MATCAP1: variants seen among roughly 807,000 people sequenced by gnomAD.
The protein encoded by MATCAP1 is microtubule associated tyrosine carboxypeptidase 1.
At chr16:67,179,541 C>A in the MATCAP1 span, 2 of 1,613,178 alleles carry the variant, frequency 1.2e-6, no homozygotes, top group East Asian at 4.5e-5. This position sits in a 1 kb window ranked among gnomAD's most constrained non-coding sequence, Gnocchi z 5.2. Context: ...GACAGCAGGT[C>A]CTCACTCAGC....
the MATCAP1 span, chr16:67,180,244 C>A: frequency 6.2e-7 from 1 of 1,613,656 alleles, no homozygotes; most frequent in Middle Eastern, 1.7e-4. Flanking sequence ...TGAGTCTTAG[C>A]AATGTGAGGC....
At chr16:67,180,671 G>A in the MATCAP1 span, 5 of 1,260,028 alleles carry the variant, frequency 4.0e-6, no homozygotes, top group Admixed American at 2.6e-5. Context: ...CGACCTCTGG[G>A]GACACAGAAG....
chr16:67,179,557 C>G, the MATCAP1 span: 3 of 1,612,308 alleles, frequency 1.9e-6, no homozygotes, highest in Non-Finnish European at 2.5e-6. The surrounding 1 kb of genome is among the most constrained non-coding windows in gnomAD (Gnocchi z 5.2). Flanking sequence ...TCAGCTGCAC[C>G]ACAACCTGCA....
the MATCAP1 span, chr16:67,178,455 G>A: frequency 6.5e-7 from 1 of 1,534,820 alleles, no homozygotes; most frequent in African/African-American, 1.4e-5. Context: ...GGCCCTCCGC[G>A]TTGTGCCACG....
chr16:67,177,996 C>G, the MATCAP1 span: 1 of 1,609,410 alleles, frequency 6.2e-7, no homozygotes, highest in Non-Finnish European at 8.5e-7. Context: ...CTCTGAAGGT[C>G]CACAGCCCCT....
the MATCAP1 span, chr16:67,178,148 A>T: frequency 1.0e-6 from 1 of 977,940 alleles, no homozygotes; most frequent in Non-Finnish European, 1.4e-6. Flanking sequence ...CCCTCGCCCG[A>T]AGCCCCGCCC....
the MATCAP1 span, chr16:67,178,549 G>C: frequency 3.4e-6 from 5 of 1,475,720 alleles, no homozygotes; most frequent in East Asian, 1.3e-4. Flanking sequence ...GGGCGTTCGG[G>C]GACCCGCCTG....
At chr16:67,179,842 G>A in the MATCAP1 span, 2 of 1,614,124 alleles carry the variant, frequency 1.2e-6, no homozygotes, top group East Asian at 2.2e-5. This position sits in a 1 kb window ranked among gnomAD's most constrained non-coding sequence, Gnocchi z 5.2. Flanking sequence ...CCTTCTGCAT[G>A]TATTTGCGCA....
At chr16:67,180,002 G>A in the MATCAP1 span, 3 of 1,613,040 alleles carry the variant, frequency 1.9e-6, no homozygotes, top group African/African-American at 4.0e-5. Flanking sequence ...AGCCCCTTGG[G>A]TGGTCAGGGC....
the MATCAP1 span, chr16:67,180,090 G>A: frequency 2.1e-4 from 334 of 1,614,200 alleles, 1 homozygote; most frequent in East Asian, 4.5e-3. Context: ...CAGCACAGCC[G>A]TGGGCATGGG....
the MATCAP1 span, among the ~76,000 whole-genome samples, chr16:67,177,567 T>C: frequency 6.6e-6 from 1 of 152,136 alleles, no homozygotes; most frequent in South Asian, 2.1e-4. Context: ...TCCCTAGTCC[T>C]CTCTCCAATC....
the MATCAP1 span, among the ~76,000 whole-genome samples, chr16:67,177,396 C>T: frequency 6.6e-6 from 1 of 152,208 alleles, no homozygotes; most frequent in Non-Finnish European, 1.5e-5. Flanking sequence ...CTCTCACCCT[C>T]CCATCAGGGT....
At chr16:67,180,220 G>A in the MATCAP1 span, 6 of 1,614,182 alleles carry the variant, frequency 3.7e-6, no homozygotes, top group Non-Finnish European at 5.1e-6. Flanking sequence ...CTGGCAATAT[G>A]GCCTGCATCC....
the MATCAP1 span, chr16:67,178,214 C>G: frequency 5.3e-6 from 8 of 1,518,998 alleles, no homozygotes; most frequent in Non-Finnish European, 2.7e-6. Flanking sequence ...AGCGAGGTGT[C>G]GGTCTGGCCG....
At chr16:67,180,271 G>A in the MATCAP1 span, 37 of 1,612,472 alleles carry the variant, frequency 2.3e-5, no homozygotes, top group Admixed American at 3.3e-5. Context: ...GCTGCAGGCC[G>A]CAGGGTGCCC....
chr16:67,179,432 A>T, the MATCAP1 span: 1 of 1,609,614 alleles, frequency 6.2e-7, no homozygotes, highest in Non-Finnish European at 8.5e-7. The surrounding 1 kb of genome is among the most constrained non-coding windows in gnomAD (Gnocchi z 5.2). Flanking sequence ...ACCCTGACCT[A>T]TCTCATGCCG....
chr16:67,180,108 T>A, the MATCAP1 span: 2 of 1,614,196 alleles, frequency 1.2e-6, no homozygotes, highest in Non-Finnish European at 1.7e-6. Context: ...GGGCTCCTGG[T>A]ACTCAAACTG....
the MATCAP1 span, among the ~76,000 whole-genome samples, chr16:67,182,025 C>T: frequency 6.6e-5 from 10 of 152,154 alleles, no homozygotes; most frequent in Non-Finnish European, 1.2e-4. Context: ...CCGAGGCGGG[C>T]GGATCACCTG....
chr16:67,180,804 C>T, the MATCAP1 span: 2 of 428,320 alleles, frequency 4.7e-6, no homozygotes, highest in South Asian at 8.3e-5. Context: ...TTGGCTGCAG[C>T]GTCCATTGCC....
Sources: allele counts gnomAD v4.1 joint callset (sites outside exome capture counted in the v4.1 genomes callset), GRCh38; gene constraint gnomAD v4.1.1; non-coding constraint Gnocchi (gnomAD v3.1); transcripts MANE v1.5; gene names NCBI Gene and HGNC (gene_info 2026-07-23, HGNC 2026-07-21).